ZNF107: variants seen among roughly 807,000 people sequenced by gnomAD.
The protein encoded by ZNF107 is zinc finger protein 107.
A neutral mutation model predicts 12.3 loss-of-function variants in ZNF107; 19 were observed. The observed-to-expected ratio is 1.55, with a 90% CI of 1.08 to 2.27. The LOEUF is 2.27. ZNF107 is among the 30% of genes most tolerant of loss of function. The probability of loss-of-function intolerance (pLI) is 0.00; values close to 1 mark genes in which losing one functional copy is unlikely to be tolerated. For missense variants in ZNF107, 958 were observed against 979.9 expected, an observed-to-expected ratio of 0.98 and a Z score of 0.30; for synonymous variants, 317 against 330.5, an observed-to-expected ratio of 0.96 and a Z score of 0.44.
At chr7:64,694,437 A>G (rs1273691487) in intron 3 of ZNF107, among the ~76,000 whole-genome samples, 1 of 152,212 alleles carries the variant, frequency 6.6e-6, no homozygotes, top group African/African-American at 2.4e-5. Flanking sequence ...GCAGAGTTTC[A>G]CAACTCCCTT....
chr7:64,708,096 C>T lies in ZNF107; in HGVS notation c.1999C>T (p.His667Tyr), dbSNP rs1562848583. ...AFNLFSNITN[H>Y]KIIYTGEKPH... Reference sequence around the variant, plus strand: ...TAACCTATTCTCAAACATTACTAACCATAAGATAATTTATACTGGAGAGAA... The same window carrying T: ...TAACCTATTCTCAAACATTACTAACTATAAGATAATTTATACTGGAGAGAA... The change falls in exon 4 of 4, where the codon CAT becomes TAT. Residue 667 changes from histidine (H) to tyrosine (Y), a missense_variant. Transcript: ENST00000620827. The T allele has an allele frequency of 1.2e-6, 2 of 1,613,140 alleles. No homozygotes were observed. The highest frequency in any genetic ancestry group is 2.7e-5 in the African/African-American group (2 of 74,934).
intron 3 of ZNF107, among the ~76,000 whole-genome samples, chr7:64,705,174 G>A (rs1790598058): frequency 6.6e-6 from 1 of 151,984 alleles, no homozygotes; most frequent in African/African-American, 2.4e-5. Context: ...TCATCTTGCA[G>A]TTCGCAAGAT....
chr7:64,687,911 T>C (rs1465027856), intron 1 of ZNF107, among the ~76,000 whole-genome samples: 3 of 152,222 alleles, frequency 2.0e-5, no homozygotes, highest in East Asian at 1.9e-4. Flanking sequence ...TTACCACACA[T>C]GATATAAACA....
chr7:64,674,235 C>G (rs550608052), intron 1 of ZNF107, among the ~76,000 whole-genome samples: 6 of 151,928 alleles, frequency 3.9e-5, no homozygotes, highest in African/African-American at 1.4e-4. Flanking sequence ...TTGATCTTTT[C>G]TATCCAAGAG....
chr7:64,673,256 C>A (rs1163063735), intron 1 of ZNF107, among the ~76,000 whole-genome samples: 2 of 152,158 alleles, frequency 1.3e-5, no homozygotes, highest in Admixed American at 6.5e-5. Flanking sequence ...CTTGGTCAGG[C>A]TGGTCTCAAA....
At chr7:64,692,647 A>C (rs1790153646) in intron 3 of ZNF107, among the ~76,000 whole-genome samples, 1 of 152,078 alleles carries the variant, frequency 6.6e-6, no homozygotes, top group African/African-American at 2.4e-5. Flanking sequence ...ATTTCAATCC[A>C]TATTCATAAA....
chr7:64,688,208 G>A (rs912963298), intron 1 of ZNF107, among the ~76,000 whole-genome samples: 2 of 151,326 alleles, frequency 1.3e-5, no homozygotes, highest in South Asian at 2.1e-4. Flanking sequence ...CCAGAGTAAC[G>A]TGTGCCTTAA....
rs375330645 is a variant in ZNF107 at position 64,670,499 on chromosome 7, TAAG to T, written c.3+4220_3+4222del. 2.6e-4 allele frequency among the ~76,000 whole-genome samples: 39 copies of T among 152,346 alleles called. No homozygotes were observed. In the South Asian group the frequency reaches 7.9e-3, roughly 31 times the overall value. On this transcript the variant is annotated intron_variant, in intron 1 of 3. Coordinates refer to ENST00000620827, the MANE Select transcript of ZNF107 (RefSeq NM_001282359.2). ...GAGATAAACTTAAGTGAAGTTTGAT[TAAG>T]AAGAACTTTCTTTTGACCACTGAAG...
At position 64,707,871 on chromosome 7, in the gene ZNF107, C is replaced by T. The variant is rs1335587902; in HGVS notation, c.1774C>T (p.Leu592Phe). 6.2e-7 allele frequency: 1 copy of T among 1,613,518 alleles called. No homozygotes were observed. Among genetic ancestry groups the T allele is most frequent in the Non-Finnish European group, 8.5e-7 (1 of 1,179,786 alleles). Reference sequence around the variant, plus strand: ...TAAGATAGTTCATACTAAAGAGAAACTCAACAAATGTGAAGAATTTGGCAA... The same window carrying T: ...TAAGATAGTTCATACTAAAGAGAAATTCAACAAATGTGAAGAATTTGGCAA... ...RHKIVHTKEK[L>F]NKCEEFGKAF... The change falls in exon 4 of 4, where the codon CTC becomes TTC. Residue 592 changes from leucine (L) to phenylalanine (F), a missense_variant. Physicochemically the swap from Leu to Phe is conservative, Grantham distance 22. Coordinates refer to ENST00000620827, the MANE Select transcript of ZNF107 (RefSeq NM_001282359.2).
In ZNF107 at chr7:64,691,368, T is replaced by C; in HGVS notation, c.124T>C (p.Phe42Leu). ...GTTAGAGAACTACAGAAACCTGGTC[T>C]TTTTGGGTGAGGATAACTTCAATAC... ...VLLENYRNLVFLGIAVSKPYL... is the reference protein window; with the variant it reads ...VLLENYRNLVLLGIAVSKPYL... The change falls in exon 2 of 4, where the codon TTT (phenylalanine) becomes CTT (leucine). Residue 42 changes from phenylalanine to leucine, a missense_variant. By Grantham distance (22) the Phe-to-Leu change is conservative. Transcript: ENST00000620827. The C allele has an allele frequency of 6.8e-7, 1 of 1,477,022 alleles. No individual in the cohort carries two copies. The highest frequency in any genetic ancestry group is 9.0e-7 in the Non-Finnish European group (1 of 1,113,964). 91.5% of individuals were successfully genotyped at this position (1,477,022 alleles called of 1,614,324 possible).
rs1790680734 is a variant in ZNF107 at position 64,707,107 on chromosome 7, G to A, written c.1010G>A (p.Gly337Glu). Residue 337 changes from glycine (G) to glutamate (E), a missense_variant, in exon 4 of 4, where the codon GGG becomes GAG. By Grantham distance (98) the Gly-to-Glu change is moderately conservative. Coordinates refer to ENST00000620827, the MANE Select transcript of ZNF107 (RefSeq NM_001282359.2). The stretch of plus-strand genomic sequence containing the variant: ...ACTAACCATAAGAGAATTCATGCTG[G>A]GGAGAAACCCTACAAATGTAAAGAA... Reference protein sequence around the residue: ...NLTNHKRIHAGEKPYKCKECG... With the variant: ...NLTNHKRIHAEEKPYKCKECG... The A allele has an allele frequency of 2.5e-6, 4 of 1,612,450 alleles. No individual in the cohort carries two copies. Among genetic ancestry groups the A allele is most frequent in the African/African-American group, 1.3e-5 (1 of 74,796 alleles).
At chr7:64,669,482 A>G (rs1008492275) in intron 1 of ZNF107, among the ~76,000 whole-genome samples, 2 of 152,188 alleles carry the variant, frequency 1.3e-5, no homozygotes, top group African/African-American at 4.8e-5. Flanking sequence ...TGAGGTATGA[A>G]ATGTAAGCAC....
intron 3 of ZNF107, among the ~76,000 whole-genome samples, chr7:64,698,613 G>A (rs1790371372): frequency 6.6e-6 from 1 of 151,860 alleles, no homozygotes; most frequent in South Asian, 2.1e-4. Flanking sequence ...TAGAGACAGG[G>A]TTTCACCATG....
chr7:64,683,564 A>G (rs767648825), intron 1 of ZNF107, among the ~76,000 whole-genome samples: 4 of 152,186 alleles, frequency 2.6e-5, no homozygotes, highest in Admixed American at 6.5e-5. Context: ...TGGTTCTTAG[A>G]TCATAGAAAG....
Position 64,708,347 on chromosome 7 carries a change from A to G in ZNF107, c.2250A>G (p.Ala750=), listed in dbSNP as rs927453358. ...TTAACCTATCCTCAACCCTTACTGC[A>G]CATAAGAAAATTCATACTGGAGAGA... ...KAFNLSSTLT[A]HKKIHTGEKP... is the part of the protein sequence containing the mutation. Residue 750 remains alanine (A), a synonymous_variant, in exon 4 of 4, where the codon GCA becomes GCG. Transcript: ENST00000620827. 7 of 1,613,266 alleles carry G rather than the reference A, an allele frequency of 4.3e-6. No homozygotes were observed. The Admixed American group carries it at 1.0e-4, about 23-fold the overall frequency.
In ZNF107 at chr7:64,689,730, C is replaced by T. The variant is rs1290874522; in HGVS notation, c.4-1518C>T. On this transcript the variant is annotated intron_variant, in intron 1 of 3. Transcript: ENST00000620827. ...CCCAGGGTCACTGGGAACTCTCTCA[C>T]AATCACCTAGGCATCTTTGAGATAT... is the stretch of plus-strand genomic sequence containing the variant. 2.0e-5 allele frequency: 3 copies of T among 152,556 alleles called. No individual in the cohort carries two copies. In the East Asian group the frequency reaches 5.8e-4, roughly 29 times the overall value. 9.5% of individuals were successfully genotyped at this position (152,556 alleles called of 1,614,324 possible). A position where few individuals can be genotyped will look rare whatever the true frequency, so the allele number is the denominator to read the frequency against.
rs375393121 is a variant in ZNF107 at position 64,706,918 on chromosome 7, T to G, written c.821T>G (p.Ile274Arg). The change falls in exon 4 of 4, where the codon ATA becomes AGA. Residue 274 changes from isoleucine (I) to arginine (R), a missense_variant. Physicochemically the swap from Ile to Arg is moderately conservative, Grantham distance 97. Coordinates refer to ENST00000620827, the MANE Select transcript of ZNF107 (RefSeq NM_001282359.2). ...KAFKQASHLT[I>R]HKIIHTGEKP... ...TTTAAACAGGCCTCACACCTTACTA[T>G]ACATAAAATAATTCATACTGGAGAA... is the stretch of plus-strand genomic sequence containing the variant. 3 of 1,611,478 alleles carry G rather than the reference T, an allele frequency of 1.9e-6. No homozygotes were observed. The highest frequency in any genetic ancestry group is 3.4e-5 in the Admixed American group (2 of 59,542).
chr7:64,688,871 G>A (rs751894968), intron 1 of ZNF107, among the ~76,000 whole-genome samples: 1 of 152,066 alleles, frequency 6.6e-6, no homozygotes, highest in Non-Finnish European at 1.5e-5. Context: ...ACACCCTATA[G>A]CTTAACAATG....
At chr7:64,683,555 G>T (rs558390070) in intron 1 of ZNF107, among the ~76,000 whole-genome samples, 77 of 152,316 alleles carry the variant, frequency 5.1e-4, no homozygotes, top group African/African-American at 1.8e-3. Flanking sequence ...CAAGGCAAGT[G>T]GTTCTTAGAT....
Sources: allele counts gnomAD v4.1 joint callset (sites outside exome capture counted in the v4.1 genomes callset), GRCh38; gene constraint gnomAD v4.1.1; transcripts MANE v1.5; gene names NCBI Gene and HGNC (gene_info 2026-07-23, HGNC 2026-07-21).